COPB2: variants seen among roughly 807,000 people sequenced by gnomAD.
COPB2 encodes the protein coat protein complex I subunit beta 2, also known as coatomer subunit beta'.
A neutral mutation model predicts 120.8 loss-of-function variants in COPB2; 16 were observed. The observed-to-expected ratio is 0.13, with a 90% CI of 0.09 to 0.20. COPB2 has a LOEUF of 0.20. COPB2 is among the 10% of genes least tolerant of loss of function. The pLI, the probability that COPB2 is intolerant of heterozygous loss-of-function variation, is 1.00. For missense variants in COPB2, 794 were observed against 1,076.5 expected (o/e 0.74, Z 3.67); for synonymous variants, 332 against 366.3 (o/e 0.91, Z 1.07).
At position 139,373,707 on chromosome 3, in the gene COPB2, T is replaced by A; in HGVS notation, c.853A>T (p.Asn285Tyr). 6.2e-7 allele frequency: 1 copy of A among 1,614,134 alleles called. No individual in the cohort carries two copies. The highest frequency in any genetic ancestry group is 8.5e-7 in the Non-Finnish European group (1 of 1,179,988). The change falls in exon 8 of 22, where the codon AAT becomes TAT. Residue 285 changes from asparagine to tyrosine, a missense_variant. Asn to Tyr is a moderately radical substitution (Grantham distance 143, BLOSUM62 -2). Transcript: ENST00000333188. The stretch of plus-strand genomic sequence containing the variant: ...CCTTCATCATAGCCCAAAGCGACAT[T>A]GTTTGACCCTCTTAGACTGGCCACG... Reference protein sequence around the residue: ...WCVASLRGSNNVALGYDEGSI... With the variant: ...WCVASLRGSNYVALGYDEGSI...
chr3:139,368,436 G>C, intron 12 of COPB2, 148 bp from the exon 13 acceptor site: 2 of 834,964 alleles, frequency 2.4e-6, no homozygotes, highest in African/African-American at 3.5e-5. Context: ...TATTTGGGAG[G>C]GTGGCCAGCT....
chr3:139,373,302 A>G lies in COPB2; in HGVS notation c.1005T>C (p.Ile335=), dbSNP rs147969422. The change falls in exon 9 of 22, where the codon ATT becomes ATC. Residue 335 remains isoleucine, a synonymous_variant. Coordinates refer to ENST00000333188, the MANE Select transcript of COPB2 (RefSeq NM_004766.3). The part of the protein sequence containing the change: ...ANLKAMGDAE[I]KDGERLPLAV... ...CCAGTGGCAATCTTTCACCATCTTT[A>G]ATTTCAGCATCTCCCATTGCTTTTA... 8.0e-5 allele frequency: 129 copies of G among 1,614,010 alleles called. No individual in the cohort carries two copies. The highest frequency in any genetic ancestry group is 8.5e-5 in the Non-Finnish European group (100 of 1,180,032).
At position 139,373,782 on chromosome 3, in the gene COPB2, T is replaced by A; in HGVS notation, c.778A>T (p.Thr260Ser). Residue 260 changes from threonine to serine, a missense_variant, in exon 8 of 22, where the codon ACC becomes TCC. Transcript: ENST00000333188. ...DGTVRIWHSS[T>S]YRLESTLNYG... is the part of the protein sequence containing the mutation. ...TTCAGTGTGCTCTCAAGCCGGTAGG[T>A]GCTTGAATGCCAAATACGTACTGTT... 1 of 1,614,082 alleles carries A rather than the reference T, an allele frequency of 6.2e-7. No homozygotes were observed.
In COPB2 at chr3:139,386,242, T is replaced by C. The variant is rs114809903; in HGVS notation, c.4-2807A>G. 6.7e-4 allele frequency among the ~76,000 whole-genome samples: 102 copies of C among 151,212 alleles called. 2 individuals carry two copies. The South Asian group carries it at 7.1e-3, about 11-fold the overall frequency. On this transcript the variant is annotated intron_variant, in intron 1 of 21. Transcript: ENST00000333188. ...TTTCACTGTCATCAGTCCCTTCCTCTCTCCAATTTTCTACTTTCTTGTTTT... is the reference window on the plus strand; with the variant it reads ...TTTCACTGTCATCAGTCCCTTCCTCCCTCCAATTTTCTACTTTCTTGTTTT...
In COPB2 at chr3:139,359,074, T is replaced by G; in HGVS notation, c.2408A>C (p.Glu803Ala). The G allele has an allele frequency of 1.2e-6, 2 of 1,614,126 alleles. No individual in the cohort carries two copies. Among genetic ancestry groups the G allele is most frequent in the Non-Finnish European group, 8.5e-7 (1 of 1,180,020 alleles). ...EYENLFPGLK[E>A]AFVVEEWVKE... is the part of the protein sequence containing the mutation. ...CACCCATTCTTCAACAACAAAGGCTTCTTTTAATCCAGGGAACAGGTTTTC... is the reference window on the plus strand; with the variant it reads ...CACCCATTCTTCAACAACAAAGGCTGCTTTTAATCCAGGGAACAGGTTTTC... The change falls in exon 19 of 22, where the codon GAA (glutamate) becomes GCA (alanine). Residue 803 changes from glutamate to alanine, a missense_variant. By Grantham distance (107) the Glu-to-Ala change is moderately radical. Transcript: ENST00000333188.
rs1941358321 is a variant in COPB2 at position 139,359,106 on chromosome 3, T to C, written c.2376A>G (p.Thr792=). 2.5e-6 allele frequency: 4 copies of C among 1,614,178 alleles called. No individual in the cohort carries two copies. Among genetic ancestry groups the C allele is most frequent in the Non-Finnish European group, 3.4e-6 (4 of 1,180,020 alleles). ...ATCCAGGGAACAGGTTTTCATACTC[T>C]GTTGGGTCAGCAAGGGATTCTGCTG... is the stretch of plus-strand genomic sequence containing the variant. ...QKAAESLADP[T]EYENLFPGLK... is the part of the protein sequence containing the mutation. Residue 792 remains threonine, a synonymous_variant, in exon 19 of 22, where the codon ACA becomes ACG. Coordinates refer to ENST00000333188, the MANE Select transcript of COPB2 (RefSeq NM_004766.3).
At chr3:139,388,985 A>G in intron 1 of COPB2, among the ~76,000 whole-genome samples, 1 of 152,118 alleles carries the variant, frequency 6.6e-6, no homozygotes, top group East Asian at 1.9e-4. Context: ...ATAAAAGCAC[A>G]CCAGCCAGTG....
rs1560018599 is a variant in COPB2 at position 139,375,522 on chromosome 3, C to G, written c.597G>C (p.Lys199Asn). Residue 199 changes from lysine (K) to asparagine (N), a missense_variant, in exon 6 of 22, where the codon AAG (lysine) becomes AAC (asparagine). Around this residue, in one of 3 missense-constraint regions of COPB2, gnomAD observed 610 missense variants for 866.7 expected, o/e 0.70. Transcript: ENST00000333188. The part of the protein sequence containing the change: ...NCIDYYSGGD[K>N]PYLISGADDR... ...CATCTGCACCTGAAATGAGGTATGG[C>G]TTGTCCCCACCACTGTAGTAATCAA... The G allele has an allele frequency of 6.2e-7, 1 of 1,614,032 alleles. No homozygotes were observed. Among genetic ancestry groups the G allele is most frequent in the Non-Finnish European group, 8.5e-7 (1 of 1,179,948 alleles).
chr3:139,382,889 C>T (rs1411571466), intron 2 of COPB2: 2 of 186,940 alleles, frequency 1.1e-5, no homozygotes, highest in African/African-American at 4.8e-5. Context: ...ATCTATATGG[C>T]TGAGTGAAAG....
chr3:139,370,476 A>C (rs1941603579), intron 10 of COPB2, among the ~76,000 whole-genome samples: 1 of 152,220 alleles, frequency 6.6e-6, no homozygotes, highest in Non-Finnish European at 1.5e-5. Flanking sequence ...GGTAACTAAA[A>C]CTGCAGGAAG....
Position 139,375,393 on chromosome 3 carries a change from C to CA in COPB2, c.651+74dup, listed in dbSNP as rs1206968755. On this transcript the variant is annotated intron_variant, in intron 6 of 21. Transcript: ENST00000333188. The stretch of plus-strand genomic sequence containing the variant: ...ATGCTGTGAACAGTTTTCAACAACC[C>CA]AAGTCTTAACTGTCCTATAAGAAAT... 6.2e-6 allele frequency: 9 copies of CA among 1,449,104 alleles called. No homozygotes were observed. In the African/African-American group the frequency reaches 9.9e-5, roughly 16 times the overall value. The allele number at this position is 1,449,104 out of a possible 1,614,324, so 89.8% of individuals were successfully genotyped here.
chr3:139,383,131 T>G (rs1290490214), intron 2 of COPB2, 167 bp downstream of exon 2: 1 of 755,268 alleles, frequency 1.3e-6, no homozygotes, highest in African/African-American at 1.7e-5. Context: ...TCCTACAAAC[T>G]ATCCCCTCAT....
At chr3:139,358,402 G>A in intron 20 of COPB2, 131 bp from the exon 21 acceptor site, 1 of 798,500 alleles carries the variant, frequency 1.3e-6, no homozygotes, top group South Asian at 1.6e-5. Flanking sequence ...ATCTCAGCCA[G>A]GCACAGTGGC....
Position 139,389,595 on chromosome 3 carries a change from A to G in COPB2, c.-45T>C. ...CGGGAACCCTCGTTTGTTACCGGCTACTCAGGCCTTGAGATAAACCCACCG... is the reference window on the plus strand; with the variant it reads ...CGGGAACCCTCGTTTGTTACCGGCTGCTCAGGCCTTGAGATAAACCCACCG... On this transcript the variant is annotated 5_prime_UTR_variant, in exon 1 of 22. Transcript: ENST00000333188. 1.3e-6 allele frequency: 2 copies of G among 1,555,138 alleles called. No individual in the cohort carries two copies. Among genetic ancestry groups the G allele is most frequent in the Non-Finnish European group, 1.8e-6 (2 of 1,138,298 alleles).
intron 9 of COPB2, 96 bp from the exon 10 acceptor site, chr3:139,371,929 T>C (rs1941631084): frequency 6.0e-6 from 5 of 830,080 alleles, no homozygotes; most frequent in Non-Finnish European, 9.7e-6. Flanking sequence ...AGAATTCTAA[T>C]AACAAATGTT....
At chr3:139,378,533 T>C (rs556975276) in intron 4 of COPB2, among the ~76,000 whole-genome samples, 1 of 152,358 alleles carries the variant, frequency 6.6e-6, no homozygotes, top group African/African-American at 2.4e-5. Flanking sequence ...AATGACTATG[T>C]AGAGAACAAG....
At chr3:139,359,762 T>C (rs1448551945) in intron 17 of COPB2, among the ~76,000 whole-genome samples, 1 of 152,156 alleles carries the variant, frequency 6.6e-6, no homozygotes, top group Non-Finnish European at 1.5e-5. Flanking sequence ...CCCAGCAGAA[T>C]ACCATGGTGT....
chr3:139,357,941 T>C lies in COPB2; in HGVS notation c.2643A>G (p.Glu881=). The C allele has an allele frequency of 6.3e-7, 1 of 1,590,400 alleles. No homozygotes were observed. The highest frequency in any genetic ancestry group is 8.6e-7 in the Non-Finnish European group (1 of 1,161,724). ...CTAATTCCAAATTATCCAAATCTACTTCTAGTTCGAGTAAACTCTGCAGAC... is the reference window on the plus strand; with the variant it reads ...CTAATTCCAAATTATCCAAATCTACCTCTAGTTCGAGTAAACTCTGCAGAC... ...NKEEKSLLEL[E]VDLDNLELED... is the part of the protein sequence containing the mutation. The change falls in exon 22 of 22, where the codon GAA becomes GAG. Residue 881 remains glutamate, a synonymous_variant. Transcript: ENST00000333188.
chr3:139,369,190 C>G, intron 12 of COPB2, 71 bp downstream of exon 12: 1 of 1,201,146 alleles, frequency 8.3e-7, no homozygotes, highest in East Asian at 2.4e-5. Flanking sequence ...AAAGACACTT[C>G]TTGGCCTTAG....
Sources: gnomAD v4.1 joint callset for allele counts (sites outside exome capture counted in the v4.1 genomes callset) on GRCh38, gnomAD v4.1.1 for gene constraint, gnomAD v4.1.1 regional missense constraint, MANE v1.5 for transcripts, NCBI Gene and HGNC (gene_info 2026-07-23, HGNC 2026-07-21) for gene names.